SBK1: variants seen among roughly 807,000 people sequenced by gnomAD.
The protein encoded by SBK1 is serine/threonine-protein kinase SBK1.
SBK1 carries 11 observed loss-of-function variants against 24.4 expected under a neutral mutation model. The observed-to-expected ratio is 0.45, with a 90% CI of 0.28 to 0.75. The LOEUF is 0.75. Among genes scored for constraint, SBK1 ranks in the 30% least tolerant of loss-of-function variants. The pLI, the probability that SBK1 is intolerant of heterozygous loss-of-function variation, is 0.12. For synonymous variants in SBK1, 308 were observed against 284.4 expected (o/e 1.08, Z -0.83); for missense variants, 467 against 620.5 (o/e 0.75, Z 2.63).
intron 1 of SBK1, among the ~76,000 whole-genome samples, chr16:28,310,118 G>A (rs2044744293): frequency 6.6e-6 from 1 of 152,166 alleles, no homozygotes; most frequent in Admixed American, 6.5e-5. Context: ...AAGTCGAGGG[G>A]GACCCCCACC....
intron 1 of SBK1, among the ~76,000 whole-genome samples, chr16:28,276,282 C>G (rs2044493476): frequency 6.6e-6 from 1 of 152,146 alleles, no homozygotes; most frequent in South Asian, 2.1e-4. Flanking sequence ...CGGGCCTCAC[C>G]AAGACCCCTA....
At chr16:28,259,053 C>T (rs2044379857), upstream of SBK1, 1 of 152,544 alleles carries the variant, frequency 6.6e-6, no homozygotes, top group Non-Finnish European at 1.5e-5. The surrounding 1 kb of genome is among the most constrained non-coding windows in gnomAD (Gnocchi z 6.0). Context: ...GGGCCTAGGG[C>T]TCCACAGGGG....
intron 1 of SBK1, among the ~76,000 whole-genome samples, chr16:28,266,091 A>G (rs2044426532): frequency 6.6e-6 from 1 of 152,168 alleles, no homozygotes; most frequent in East Asian, 1.9e-4. Flanking sequence ...AAGGACAGTG[A>G]GGCTGAGTGC....
In SBK1 at chr16:28,321,182, AACACACAC is replaced by A. The variant is rs55860114; in HGVS notation, c.*310_*317del. 0.014 allele frequency: 2,703 copies of A among 191,828 alleles called. 45 individuals are homozygous for A. The highest frequency in any genetic ancestry group is 0.04 in the African/African-American group (1,307 of 32,438). The allele number at this position is 191,828 out of a possible 1,614,324, so 11.9% of individuals were successfully genotyped here. A position where few individuals can be genotyped will look rare whatever the true frequency, so the allele number is the denominator to read the frequency against. Reference sequence around the variant, plus strand: ...CCCGAGAATTCGGAGGCCACCACACAACACACACACACACACACACACACACACACACA... The same window carrying A: ...CCCGAGAATTCGGAGGCCACCACACAACACACACACACACACACACACACA... On this transcript the variant is annotated 3_prime_UTR_variant, in exon 4 of 4. Transcript: ENST00000341901.
At chr16:28,298,736 T>C (rs2044658567) in intron 1 of SBK1, among the ~76,000 whole-genome samples, 1 of 152,156 alleles carries the variant, frequency 6.6e-6, no homozygotes, top group African/African-American at 2.4e-5. Flanking sequence ...TCCTTCCTCA[T>C]GGCTTTAGGC....
At chr16:28,304,334 C>T (rs1019826729) in intron 1 of SBK1, among the ~76,000 whole-genome samples, 2 of 152,118 alleles carry the variant, frequency 1.3e-5, no homozygotes, top group South Asian at 2.1e-4. Flanking sequence ...GTGCTGTCCA[C>T]GCCTGTGGTG....
At position 28,317,427 on chromosome 16, in the gene SBK1, C is replaced by T; in HGVS notation, c.36C>T (p.Arg12=). 1 of 1,614,118 alleles carries T rather than the reference C, an allele frequency of 6.2e-7. No homozygotes were observed. The highest frequency in any genetic ancestry group is 8.5e-7 in the Non-Finnish European group (1 of 1,180,012). Residue 12 remains arginine, a synonymous_variant, in exon 2 of 4, where the codon CGC becomes CGT. Transcript: ENST00000341901. The surrounding 1 kb of genome is among the most constrained non-coding windows in gnomAD (Gnocchi z 4.2). ...GCTGCCCAGAGCCTGAGCCGCCCCG[C>T]TCCCTGACCTGCTGTGGGCCGGGGA... The part of the protein sequence containing the change: ...SVGCPEPEPP[R]SLTCCGPGTA...
chr16:28,275,966 G>C (rs1050387373), intron 1 of SBK1, among the ~76,000 whole-genome samples: 1 of 152,160 alleles, frequency 6.6e-6, no homozygotes, highest in Non-Finnish European at 1.5e-5. Flanking sequence ...TGAGGAGGAC[G>C]GAGTGGGGAA....
chr16:28,310,491 G>A (rs958501002), intron 1 of SBK1, among the ~76,000 whole-genome samples: 1 of 152,206 alleles, frequency 6.6e-6, no homozygotes, highest in African/African-American at 2.4e-5. Context: ...AGAGTGAAAG[G>A]TACCAGCTTT....
At chr16:28,310,327 C>T (rs2044745723) in intron 1 of SBK1, among the ~76,000 whole-genome samples, 1 of 152,250 alleles carries the variant, frequency 6.6e-6, no homozygotes, top group African/African-American at 2.4e-5. Context: ...ACATCCACAG[C>T]TGCTCCTGCA....
intron 1 of SBK1, among the ~76,000 whole-genome samples, chr16:28,276,660 TTATG>T (rs1368049120): frequency 3.3e-4 from 45 of 134,810 alleles, no homozygotes; most frequent in Admixed American, 1.9e-3. Context: ...ATTTATTTAT[TTATG>T]TATTTATTTA....
Position 28,292,590 on chromosome 16 carries a change from G to A in SBK1, c.-718G>A. The A allele has an allele frequency of 1.0e-6, 1 of 980,392 alleles. No homozygotes were observed. The allele number at this position is 980,392 out of a possible 1,614,324, so 60.7% of individuals were successfully genotyped here. On this transcript the variant is annotated 5_prime_UTR_variant, in exon 1 of 4. Coordinates refer to ENST00000341901, the MANE Select transcript of SBK1 (RefSeq NM_001024401.3). ...GGGGCCCGAGCGCCAGGCGGAGCGC[G>A]AGCTGGAGCCGCAGCCGGAGCCCGG...
At chr16:28,282,985 T>C (rs548429096) in intron 1 of SBK1, among the ~76,000 whole-genome samples, 75 of 152,122 alleles carry the variant, frequency 4.9e-4, no homozygotes, top group Non-Finnish European at 9.0e-4. Flanking sequence ...CAGGCTGGAG[T>C]GCAGTGGCGT....
chr16:28,268,002 C>T (rs2044440877), intron 1 of SBK1, among the ~76,000 whole-genome samples: 1 of 152,072 alleles, frequency 6.6e-6, no homozygotes, highest in Admixed American at 6.6e-5. Flanking sequence ...TAAAAATTAA[C>T]CAGGCGTGGT....
intron 1 of SBK1, among the ~76,000 whole-genome samples, chr16:28,278,896 A>G (rs1458772136): frequency 1.3e-5 from 2 of 152,220 alleles, no homozygotes; most frequent in Non-Finnish European, 2.9e-5. Context: ...CACTTGCCCC[A>G]TCAACCTCCC....
rs2044869062 is a variant in SBK1, at chr16:28,322,974, CTCTCTCCTCTCTTT to C, written c.*2054_*2067del. The C allele has an allele frequency of 7.7e-6, 1 of 129,400 alleles. No individual in the cohort carries two copies. Among genetic ancestry groups the C allele is most frequent in the Non-Finnish European group, 1.7e-5 (1 of 60,322 alleles). The allele number at this position is 129,400 out of a possible 1,614,324, so 8.0% of individuals were successfully genotyped here. On this transcript the variant is annotated 3_prime_UTR_variant, in exon 4 of 4. Coordinates refer to ENST00000341901, the MANE Select transcript of SBK1 (RefSeq NM_001024401.3). ...TCTCTCTCTCTCTCTCTCTCTCTCT[CTCTCTCCTCTCTTT>C]CTCTCTCTCCCTCTCTCTGTTAAGA...
rs1201825344 is a variant in SBK1, at chr16:28,319,899, A to T, written c.430-177A>T. 1.3e-5 allele frequency among the ~76,000 whole-genome samples: 2 copies of T among 152,092 alleles called. No homozygotes were observed. Among genetic ancestry groups the T allele is most frequent in the Non-Finnish European group, 2.9e-5 (2 of 68,000 alleles). On this transcript the variant is annotated intron_variant, in intron 3 of 3. Coordinates refer to ENST00000341901, the MANE Select transcript of SBK1 (RefSeq NM_001024401.3). This position sits in a 1 kb window ranked among gnomAD's most constrained non-coding sequence, Gnocchi z 4.0. ...TGGTAGCCACTATGAGGATTGGATGAGACAGCGGGGGAAAGGGCGCTCAGC... is the reference window on the plus strand; with the variant it reads ...TGGTAGCCACTATGAGGATTGGATGTGACAGCGGGGGAAAGGGCGCTCAGC...
intron 1 of SBK1, among the ~76,000 whole-genome samples, chr16:28,262,836 T>G (rs945822769): frequency 3.9e-5 from 6 of 152,146 alleles, no homozygotes; most frequent in African/African-American, 1.4e-4. Context: ...CGTAATGGCT[T>G]AACACAGAAG....
At chr16:28,270,839 ATTTATTTATTTAT>A in intron 1 of SBK1, among the ~76,000 whole-genome samples, 1 of 530 alleles carries the variant, frequency 1.9e-3, no homozygotes, top group East Asian at 0.25. Flanking sequence ...TTTCTTATTT[ATTTATTTATTTAT>A]TTATTTATTT....
Sources: gnomAD v4.1 joint callset for allele counts (sites outside exome capture counted in the v4.1 genomes callset) on GRCh38, gnomAD v4.1.1 for gene constraint, Gnocchi (gnomAD v3.1) non-coding constraint, MANE v1.5 for transcripts, NCBI Gene and HGNC (gene_info 2026-07-23, HGNC 2026-07-21) for gene names.